Variants in CCNL1 observed in about 807,000 individuals in gnomAD.
CCNL1 encodes cyclin L1.
CCNL1 carries 13 observed loss-of-function variants against 60.6 expected under a neutral mutation model. The ratio of observed to expected loss-of-function variants is 0.21; its 90% confidence interval spans 0.14 to 0.34. The LOEUF is 0.34. CCNL1 is among the 10% of genes least tolerant of loss of function. CCNL1 has a pLI of 1.00. For synonymous variants in CCNL1, 270 were observed against 244.3 expected, an observed-to-expected ratio of 1.10 and a Z score of -0.98; for missense variants, 481 against 664.3, an observed-to-expected ratio of 0.72 and a Z score of 3.03.
At chr3:157,151,221 C>G (rs182457980) in intron 5 of CCNL1, 1,852 of 985,300 alleles carry the variant, frequency 1.9e-3, no homozygotes, top group Non-Finnish European at 2.2e-3. Context: ...TTTACTGAGT[C>G]CAAAAGAAGC....
chr3:157,157,487 G>A (rs777066243), intron 3 of CCNL1, among the ~76,000 whole-genome samples: 6 of 152,148 alleles, frequency 3.9e-5, no homozygotes, highest in Non-Finnish European at 7.3e-5. Flanking sequence ...TTTCCTTTAA[G>A]CAAAGAGAAA....
intron 5 of CCNL1, chr3:157,150,649 AAAGTT>A (rs1249283178): frequency 8.7e-7 from 1 of 1,151,156 alleles, no homozygotes; most frequent in African/African-American, 1.6e-5. Context: ...TTACTCCTAA[AAAGTT>A]AATATATTTC....
intron 5 of CCNL1, 83 bp from the exon 6 acceptor site, chr3:157,150,464 T>A: frequency 1.3e-6 from 2 of 1,505,864 alleles, no homozygotes; most frequent in Non-Finnish European, 1.8e-6. Context: ...CTCAATCTAC[T>A]TTATTCTTTT....
chr3:157,149,406 T>C, intron 9 of CCNL1, 21 bp from the exon 10 acceptor site: 1 of 1,611,230 alleles, frequency 6.2e-7, no homozygotes, highest in Non-Finnish European at 8.5e-7. Flanking sequence ...TCATGACATA[T>C]TAGTTACAAA....
In CCNL1 at chr3:157,159,899, G is replaced by T. The variant is rs1166452024; in HGVS notation, c.196C>A (p.Pro66Thr). Residue 66 changes from proline (P) to threonine (T), a missense_variant, in exon 1 of 11, where the codon CCC (proline) becomes ACC (threonine). Around this residue, in one of 5 missense-constraint regions of CCNL1, gnomAD observed 130 missense variants for 174.5 expected, o/e 0.75. Transcript: ENST00000295926. ...AGCCCATCCTGCATGGATGGGGTGG[G>T]CGAGAGCCTCTCCTCCGGAATCAGA... The part of the protein sequence containing the change: ...HSLIPEERLS[P>T]TPSMQDGLDL... The T allele has an allele frequency of 2.0e-5, 32 of 1,605,318 alleles. 1 individual carries two copies. The Admixed American group carries it at 5.4e-4, about 27-fold the overall frequency.
chr3:157,152,407 C>T (rs1207458268), intron 4 of CCNL1, 166 bp from the exon 5 acceptor site: 9 of 1,304,476 alleles, frequency 6.9e-6, no homozygotes, highest in East Asian at 3.1e-5. Flanking sequence ...TGCTACATGA[C>T]TAGATTTTAT....
In CCNL1 at chr3:157,147,792, G is replaced by A. The variant is rs1450359777; in HGVS notation, c.*449C>T. ...AATTTATTTAAATAAGGTATTTGAA[G>A]CAGTTTAGAAAAAACAAGATTTGTA... On this transcript the variant is annotated 3_prime_UTR_variant, in exon 11 of 11. Transcript: ENST00000295926. The A allele has an allele frequency of 4.1e-6, 4 of 981,112 alleles. No individual in the cohort carries two copies. The African/African-American group carries it at 7.0e-5, about 17-fold the overall frequency. 60.8% of individuals were successfully genotyped at this position (981,112 alleles called of 1,614,324 possible).
intron 3 of CCNL1, chr3:157,154,264 T>A (rs1302806322): frequency 1.3e-5 from 2 of 152,200 alleles, no homozygotes; most frequent in African/African-American, 4.8e-5. Flanking sequence ...GGAATTGGGC[T>A]TTTGTTTTTT....
At chr3:157,157,344 T>C (rs1347058339) in intron 3 of CCNL1, among the ~76,000 whole-genome samples, 1 of 152,032 alleles carries the variant, frequency 6.6e-6, no homozygotes, top group African/African-American at 2.4e-5. Flanking sequence ...TTATTTTAAA[T>C]TCCATGGTTT....
intron 3 of CCNL1, among the ~76,000 whole-genome samples, chr3:157,154,953 C>T (rs1738503825): frequency 1.3e-5 from 2 of 152,056 alleles, no homozygotes; most frequent in South Asian, 4.1e-4. Flanking sequence ...TACATACATA[C>T]ATACATACAT....
chr3:157,152,494 T>C, intron 4 of CCNL1: 1 of 1,179,480 alleles, frequency 8.5e-7, no homozygotes, highest in African/African-American at 1.6e-5. Flanking sequence ...CATTGGCACT[T>C]TACTATGTGA....
intron 10 of CCNL1, 140 bp downstream of exon 10, chr3:157,149,147 C>T (rs374857385): frequency 1.9e-5 from 12 of 640,176 alleles, no homozygotes; most frequent in Non-Finnish European, 3.3e-5. Context: ...TCTCCAAACT[C>T]ATTTCTCATA....
intron 4 of CCNL1, chr3:157,152,612 A>G: frequency 1.9e-6 from 2 of 1,072,520 alleles, no homozygotes; most frequent in Non-Finnish European, 2.3e-6. Flanking sequence ...AATGAAAGCT[A>G]AGAGATGTTG....
At chr3:157,153,395 A>C in intron 3 of CCNL1, 2 of 364,322 alleles carry the variant, frequency 5.5e-6, no homozygotes. Context: ...ATTCACTCTA[A>C]TGTTCTTGAA....
In CCNL1 at chr3:157,147,922, AT is replaced by A. The variant is rs1305205349; in HGVS notation, c.*318del. On this transcript the variant is annotated 3_prime_UTR_variant, in exon 11 of 11. Transcript: ENST00000295926. ...CCACTTAAATAGAACAGTGTCTGCA[AT>A]TTTATCTGTATAAAAATAAGATACA... 9.5e-7 allele frequency: 1 copy of A among 1,050,848 alleles called. No homozygotes were observed. The highest frequency in any genetic ancestry group is 1.7e-5 in the African/African-American group (1 of 59,676). The allele number at this position is 1,050,848 out of a possible 1,614,324, so 65.1% of individuals were successfully genotyped here.
downstream of CCNL1, among the ~76,000 whole-genome samples, chr3:157,145,437 C>CAAA (rs56894231): frequency 1.4e-3 from 33 of 24,262 alleles, 3 homozygotes; most frequent in Non-Finnish European, 2.0e-3. Context: ...GACTTCATCT[C>CAAA]AAAAAAAAAA....
chr3:157,158,367 G>T (rs975955136), intron 3 of CCNL1, among the ~76,000 whole-genome samples: 1 of 152,102 alleles, frequency 6.6e-6, no homozygotes, highest in Non-Finnish European at 1.5e-5. Flanking sequence ...GGTATTATTC[G>T]ATTTATCGTA....
chr3:157,148,074 T>C lies in CCNL1; in HGVS notation c.*167A>G, dbSNP rs1264915965. 2 of 1,387,018 alleles carry C rather than the reference T, an allele frequency of 1.4e-6. No individual in the cohort carries two copies. Among genetic ancestry groups the C allele is most frequent in the Non-Finnish European group, 1.9e-6 (2 of 1,074,510 alleles). The allele number at this position is 1,387,018 out of a possible 1,614,324, so 85.9% of individuals were successfully genotyped here. ...AGGGCATTTTAATGTGCAAAAAAATTAACATAGTTCTTTTCAAAAGAAACT... is the reference window on the plus strand; with the variant it reads ...AGGGCATTTTAATGTGCAAAAAAATCAACATAGTTCTTTTCAAAAGAAACT... On this transcript the variant is annotated 3_prime_UTR_variant, in exon 11 of 11. Transcript: ENST00000295926.
At chr3:157,158,792 G>C in intron 3 of CCNL1, 74 bp downstream of exon 3, 1 of 917,088 alleles carries the variant, frequency 1.1e-6, no homozygotes, top group Non-Finnish European at 1.7e-6. Flanking sequence ...TGAAAGGAAA[G>C]ATGTTTTGAT....
Sources: gnomAD v4.1 joint callset for allele counts (sites outside exome capture counted in the v4.1 genomes callset) on GRCh38, gnomAD v4.1.1 for gene constraint, gnomAD v4.1.1 regional missense constraint, MANE v1.5 for transcripts, NCBI Gene and HGNC (gene_info 2026-07-23, HGNC 2026-07-21) for gene names.